The following COMMD1 variants were observed in gnomAD, a reference collection of about 807,000 sequenced individuals.
The protein encoded by COMMD1 is COMM domain-containing protein 1.
COMMD1 carries 10 observed loss-of-function variants against 17.2 expected under a neutral mutation model. The observed-to-expected ratio is 0.58, with a 90% CI of 0.36 to 0.99. The LOEUF is 0.99. COMMD1 is among the 50% of genes least tolerant of loss of function. The pLI is 0.01. For missense variants in COMMD1, 270 were observed against 231.8 expected, an observed-to-expected ratio of 1.17 and a Z score of -1.07; for synonymous variants, 97 against 91.6, an observed-to-expected ratio of 1.06 and a Z score of -0.34.
intron 2 of COMMD1, among the ~76,000 whole-genome samples, chr2:62,029,281 G>A (rs544934136): frequency 2.1e-4 from 32 of 152,250 alleles, no homozygotes; most frequent in Non-Finnish European, 3.7e-4. Flanking sequence ...AACAGGATAT[G>A]TGTATGCATA....
intron 2 of COMMD1, among the ~76,000 whole-genome samples, chr2:62,092,825 C>T (rs1361560501): frequency 6.6e-6 from 1 of 152,094 alleles, no homozygotes; most frequent in Non-Finnish European, 1.5e-5. Context: ...TTTCACAGGG[C>T]GATAAATAAT....
At chr2:62,068,620 CTTTTT>C (rs67517468) in intron 2 of COMMD1, among the ~76,000 whole-genome samples, 2 of 89,238 alleles carry the variant, frequency 2.2e-5, no homozygotes, top group Admixed American at 1.3e-4. Context: ...GTAGTATAAT[CTTTTT>C]TTTTTTTTTT....
chr2:61,975,118 C>CTTTTTGTTTTTTTTTTT (rs1671760327), intron 1 of COMMD1, among the ~76,000 whole-genome samples: 1 of 80,166 alleles, frequency 1.2e-5, no homozygotes, highest in East Asian at 3.7e-4. Context: ...TCATTTCTTT[C>CTTTTTGTTTTTTTTTTT]TTTTTTTTTT....
At chr2:61,941,038 C>CT (rs1558529117) in intron 1 of COMMD1, among the ~76,000 whole-genome samples, 1 of 117,908 alleles carries the variant, frequency 8.5e-6, no homozygotes, top group African/African-American at 5.6e-5. Context: ...TTGTTAATAA[C>CT]CCCCCCTTTT....
intron 2 of COMMD1, among the ~76,000 whole-genome samples, chr2:62,002,977 A>G (rs1265466060): frequency 6.6e-6 from 1 of 152,228 alleles, no homozygotes; most frequent in Non-Finnish European, 1.5e-5. Context: ...TCACGCCTGT[A>G]ATCCCAGCAC....
chr2:61,934,693 A>G (rs961320474), intron 1 of COMMD1, among the ~76,000 whole-genome samples: 36 of 152,364 alleles, frequency 2.4e-4, no homozygotes, highest in African/African-American at 6.7e-4. Context: ...AGAGGCAAAC[A>G]AAAAGGAAAA....
At chr2:61,970,805 C>T (rs1671627906) in intron 1 of COMMD1, among the ~76,000 whole-genome samples, 1 of 152,048 alleles carries the variant, frequency 6.6e-6, no homozygotes, top group Admixed American at 6.6e-5. Flanking sequence ...GAAGTTATTT[C>T]CTTGACAATA....
intron 2 of COMMD1, among the ~76,000 whole-genome samples, chr2:62,130,750 T>A (rs1673008310): frequency 6.6e-6 from 1 of 152,240 alleles, no homozygotes. Flanking sequence ...TTTGTCACTG[T>A]AGTATTGTTT....
intron 1 of COMMD1, among the ~76,000 whole-genome samples, chr2:61,997,376 T>TAA (rs59337897): frequency 0.084 from 12,105 of 144,690 alleles, 1,179 homozygotes; most frequent in African/African-American, 0.24. Context: ...ATGTATTTCT[T>TAA]AAAAAAAAAA....
At chr2:62,016,185 C>T (rs1322995990) in intron 2 of COMMD1, among the ~76,000 whole-genome samples, 7 of 146,034 alleles carry the variant, frequency 4.8e-5, no homozygotes, top group Non-Finnish European at 1.1e-4. Flanking sequence ...TTCTTTTTGT[C>T]TCTCTTTTTT....
At chr2:62,072,208 TG>T (rs1671215877) in intron 2 of COMMD1, among the ~76,000 whole-genome samples, 3 of 152,156 alleles carry the variant, frequency 2.0e-5, no homozygotes, top group Non-Finnish European at 4.4e-5. Flanking sequence ...GGCGGGTCCC[TG>T]GTGAAACCCA....
At chr2:62,129,632 G>A (rs779179169) in intron 2 of COMMD1, among the ~76,000 whole-genome samples, 2 of 152,186 alleles carry the variant, frequency 1.3e-5, no homozygotes, top group Non-Finnish European at 2.9e-5. Context: ...AATGTTCAGT[G>A]CTACTGGGTT....
chr2:61,947,668 G>A (rs557856352), intron 1 of COMMD1, among the ~76,000 whole-genome samples: 4 of 151,878 alleles, frequency 2.6e-5, no homozygotes, highest in African/African-American at 9.7e-5. Flanking sequence ...GGGCGACAGA[G>A]CGAGATTTGT....
At chr2:61,925,582 G>A (rs1289820448) in intron 1 of COMMD1, among the ~76,000 whole-genome samples, 1 of 152,168 alleles carries the variant, frequency 6.6e-6, no homozygotes, top group African/African-American at 2.4e-5. Context: ...AGCAAGGTCT[G>A]ATAAGTGAAG....
intron 2 of COMMD1, among the ~76,000 whole-genome samples, chr2:62,061,919 A>G (rs751181460): frequency 6.6e-6 from 1 of 150,996 alleles, no homozygotes; most frequent in Non-Finnish European, 1.5e-5. Flanking sequence ...AGTTGGAACT[A>G]TGTGCTACAT....
chr2:62,135,208 C>T (rs190282583), intron 2 of COMMD1, among the ~76,000 whole-genome samples: 9 of 152,166 alleles, frequency 5.9e-5, no homozygotes, highest in African/African-American at 2.2e-4. Flanking sequence ...ATTTTTAAAA[C>T]AGCACTACTC....
At chr2:62,028,329 C>G (rs1057212590) in intron 2 of COMMD1, among the ~76,000 whole-genome samples, 4 of 152,156 alleles carry the variant, frequency 2.6e-5, no homozygotes, top group African/African-American at 9.7e-5. Flanking sequence ...TTTCTCTGAA[C>G]TATCACTGGG....
intron 2 of COMMD1, among the ~76,000 whole-genome samples, chr2:62,029,334 T>C (rs1226980931): frequency 6.6e-6 from 1 of 152,150 alleles, no homozygotes; most frequent in African/African-American, 2.4e-5. Context: ...TTTATTAGAT[T>C]CCAATTTTGT....
chr2:62,051,145 A>AT (rs1670522606), intron 2 of COMMD1, among the ~76,000 whole-genome samples: 1 of 152,026 alleles, frequency 6.6e-6, no homozygotes, highest in Admixed American at 6.6e-5. Context: ...TTATTTACCT[A>AT]TATTTTATTT....
Sources: gnomAD v4.1 joint callset for allele counts (sites outside exome capture counted in the v4.1 genomes callset) on GRCh38, gnomAD v4.1.1 for gene constraint, MANE v1.5 for transcripts, NCBI Gene and HGNC (gene_info 2026-07-23, HGNC 2026-07-21) for gene names.